Variants in GLYR1 observed in about 807,000 individuals in gnomAD.
The protein encoded by GLYR1 is glyoxylate reductase 1 homolog.
A neutral mutation model predicts 72.7 loss-of-function variants in GLYR1; 21 were observed. That is an observed-to-expected ratio of 0.29 (90% CI 0.20 to 0.42). The LOEUF (loss-of-function observed/expected upper bound fraction) is 0.42, where lower values mean the gene tolerates loss of function less well. GLYR1 is among the 10% of genes least tolerant of loss of function. GLYR1 has a pLI of 1.00. For synonymous variants in GLYR1, 392 were observed against 270.2 expected (o/e 1.45, Z -4.42); for missense variants, 594 against 712.1 (o/e 0.83, Z 1.89).
chr16:4,828,788 T>C (rs1333698040), intron 5 of GLYR1, among the ~76,000 whole-genome samples: 1 of 152,102 alleles, frequency 6.6e-6, no homozygotes, highest in Non-Finnish European at 1.5e-5. Flanking sequence ...ACAAGGAAAC[T>C]GGGGCAAAGG....
At chr16:4,843,454 CA>C in intron 3 of GLYR1, 1 of 1,231,026 alleles carries the variant, frequency 8.1e-7, no homozygotes, top group Non-Finnish European at 1.0e-6. Flanking sequence ...CATGCCCGGC[CA>C]AATCTTCTTT....
At chr16:4,807,042 G>A (rs1433948539) in intron 15 of GLYR1, among the ~76,000 whole-genome samples, 8 of 150,228 alleles carry the variant, frequency 5.3e-5, no homozygotes, top group Admixed American at 1.3e-4. Context: ...TCCTGACCTC[G>A]TGATCCACCC....
chr16:4,805,759 CGA>C (rs1266315742), intron 15 of GLYR1, among the ~76,000 whole-genome samples: 1 of 151,836 alleles, frequency 6.6e-6, no homozygotes, highest in Admixed American at 6.6e-5. Context: ...GGGTGAATCA[CGA>C]GGTCAGGAGA....
intron 10 of GLYR1, 30 bp from the exon 11 acceptor site, chr16:4,814,677 T>A (rs192381130): frequency 1.3e-6 from 2 of 1,509,736 alleles, no homozygotes; most frequent in African/African-American, 2.7e-5. Context: ...TAACGTGAGC[T>A]GCAGGCAGTG....
intron 9 of GLYR1, among the ~76,000 whole-genome samples, chr16:4,818,579 G>A (rs778829210): frequency 3.3e-5 from 5 of 151,994 alleles, no homozygotes; most frequent in Admixed American, 1.3e-4. Flanking sequence ...CACTGCACCC[G>A]GCTCTGGATA....
At chr16:4,814,467 G>A in intron 11 of GLYR1, 70 bp downstream of exon 11, 1 of 1,129,850 alleles carries the variant, frequency 8.9e-7, no homozygotes, top group Non-Finnish European at 1.4e-6. Flanking sequence ...TGCAGGGGAG[G>A]AGGGGAAGAG....
At chr16:4,809,253 G>A (rs999575187) in intron 15 of GLYR1, among the ~76,000 whole-genome samples, 2 of 144,042 alleles carry the variant, frequency 1.4e-5, no homozygotes, top group East Asian at 2.1e-4. Flanking sequence ...GCAGTGGTGC[G>A]ATCTAGGCTC....
chr16:4,814,686 T>C (rs774005527), intron 10 of GLYR1, 39 bp from the exon 11 acceptor site: 1 of 1,484,172 alleles, frequency 6.7e-7, no homozygotes, highest in South Asian at 1.1e-5. Flanking sequence ...CTGCAGGCAG[T>C]GCACAACAAA....
chr16:4,831,074 C>A (rs1322185903), intron 5 of GLYR1, among the ~76,000 whole-genome samples: 3 of 152,152 alleles, frequency 2.0e-5, no homozygotes, highest in Non-Finnish European at 4.4e-5. Flanking sequence ...CATCCCCAGT[C>A]CTCTACTTTT....
chr16:4,838,879 G>A (rs2085341084), intron 3 of GLYR1, among the ~76,000 whole-genome samples: 1 of 152,076 alleles, frequency 6.6e-6, no homozygotes, highest in Admixed American at 6.6e-5. Flanking sequence ...GAGCCACCGT[G>A]CCTGGCCAAA....
rs193246114 is a variant in GLYR1 at position 4,807,916 on chromosome 16, G to A, written c.1588-2606C>T. Among the ~76,000 whole-genome samples the A allele has an allele frequency of 1.4e-3, 216 of 152,284 alleles. 1 individual carries two copies. The highest frequency in any genetic ancestry group is 5.1e-3 in the African/African-American group (210 of 41,580). ...CATGAAATAAGTACTCTGAAATGTT[G>A]AAACAGACAAGAGACAGAAGACAGA... On this transcript the variant is annotated intron_variant, in intron 15 of 15. Transcript: ENST00000321919.
Position 4,843,603 on chromosome 16 carries a change from C to G in GLYR1, c.155+1471G>C, listed in dbSNP as rs761934350. The G allele has an allele frequency of 6.1e-5, 79 of 1,289,132 alleles. 2 individuals carry two copies. In the South Asian group the frequency reaches 9.3e-4, roughly 15 times the overall value. The allele number at this position is 1,289,132 out of a possible 1,614,324, so 79.9% of individuals were successfully genotyped here. A position where few individuals can be genotyped will look rare whatever the true frequency, so the allele number is the denominator to read the frequency against. On this transcript the variant is annotated intron_variant, in intron 3 of 15. Coordinates refer to ENST00000321919, the MANE Select transcript of GLYR1 (RefSeq NM_032569.4). ...GATAGAGAAATGGGGCTGGGTCTAT[C>G]TGTAAACATGAAACCAGGAAGAGCA...
chr16:4,831,695 C>T (rs369040192), intron 5 of GLYR1, among the ~76,000 whole-genome samples: 2 of 152,154 alleles, frequency 1.3e-5, no homozygotes, highest in African/African-American at 2.4e-5. Flanking sequence ...AAATAAGATT[C>T]GGGGTCTCAC....
intron 7 of GLYR1, 122 bp downstream of exon 7, chr16:4,822,753 T>C (rs1596343383): frequency 1.3e-6 from 1 of 793,224 alleles, no homozygotes; most frequent in Non-Finnish European, 2.2e-6. Flanking sequence ...GCTTCTGGGC[T>C]AGTTGCTCTG....
At chr16:4,805,523 G>A (rs1318373904) in intron 15 of GLYR1, among the ~76,000 whole-genome samples, 2 of 152,204 alleles carry the variant, frequency 1.3e-5, no homozygotes, top group Admixed American at 6.5e-5. Flanking sequence ...AACAGTACCC[G>A]GGGGATCTTG....
chr16:4,814,079 A>G lies in GLYR1; in HGVS notation c.1018-241T>C, dbSNP rs150757092. 6.0e-4 allele frequency: 233 copies of G among 389,540 alleles called. 2 individuals are homozygous for G. The East Asian group carries it at 8.6e-3, about 14-fold the overall frequency. 24.1% of individuals were successfully genotyped at this position (389,540 alleles called of 1,614,324 possible). ...TCTTTTTATTTAAAAAAAAAAAAAA[A>G]CAAACCCCATTTAAAAGAATAAACC... On this transcript the variant is annotated intron_variant, in intron 11 of 15. Transcript: ENST00000321919.
In GLYR1 at chr16:4,804,809, G is replaced by GA. The variant is rs1241499186; in HGVS notation, c.*426dup. The GA allele has an allele frequency of 4.8e-6, 1 of 206,400 alleles. No individual in the cohort carries two copies. The highest frequency in any genetic ancestry group is 1.0e-5 in the Non-Finnish European group (1 of 98,456). 12.8% of individuals were successfully genotyped at this position (206,400 alleles called of 1,614,324 possible). A position where few individuals can be genotyped will look rare whatever the true frequency, so the allele number is the denominator to read the frequency against. ...CTCTTCGCTCTGGGGGAAGCTGTGG[G>GA]AAGGCTTCCAACTCTCGTTGCTGAT... On this transcript the variant is annotated 3_prime_UTR_variant, in exon 16 of 16. Coordinates refer to ENST00000321919, the MANE Select transcript of GLYR1 (RefSeq NM_032569.4).
rs201873374 is a variant in GLYR1, at chr16:4,846,201, G to T, written c.48C>A (p.Leu16=). ...TTCCTGGCCAAGGAGGATATCGGCC[G>T]AGTTTCCCCCTAGAGAAAACACAAA... ...LRLGDLVWGK[L]GRYPPWPGKI... Residue 16 remains leucine, a synonymous_variant, in exon 2 of 16, where the codon CTC becomes CTA. Transcript: ENST00000321919. 9.3e-6 allele frequency: 15 copies of T among 1,613,832 alleles called. No individual in the cohort carries two copies. The East Asian group carries it at 3.1e-4, about 34-fold the overall frequency.
chr16:4,807,983 C>T (rs2083095603), intron 15 of GLYR1, among the ~76,000 whole-genome samples: 1 of 152,162 alleles, frequency 6.6e-6, no homozygotes, highest in Admixed American at 6.5e-5. Context: ...TGCCTGTAAT[C>T]CCAGCACTTT....
Sources: allele counts gnomAD v4.1 joint callset (sites outside exome capture counted in the v4.1 genomes callset), GRCh38; gene constraint gnomAD v4.1.1; transcripts MANE v1.5; gene names NCBI Gene and HGNC (gene_info 2026-07-23, HGNC 2026-07-21).